SH2D7: variants seen among roughly 807,000 people sequenced by gnomAD.
The protein encoded by SH2D7 is SH2 domain-containing protein 7.
SH2D7 carries 32 observed loss-of-function variants against 40.8 expected under a neutral mutation model. The observed-to-expected ratio is 0.78, with a 90% CI of 0.59 to 1.05. The LOEUF is 1.05. Ranked by LOEUF, SH2D7 falls within the 50% of genes least tolerant of loss-of-function variation. SH2D7 has a pLI of 0.00. For synonymous variants in SH2D7, 195 were observed against 221.5 expected (o/e 0.88, Z 1.06); for missense variants, 559 against 566.6 (o/e 0.99, Z 0.14).
intron 1 of SH2D7, 53 bp downstream of exon 1, chr15:78,092,813 GAGAAAA>G: frequency 6.5e-7 from 1 of 1,529,762 alleles, no homozygotes; most frequent in Non-Finnish European, 8.8e-7. Context: ...CCTTGGGGCT[GAGAAAA>G]TGGTCTGGGA....
chr15:78,103,525 A>C lies in SH2D7; in HGVS notation c.*10A>C. Reference sequence around the variant, plus strand: ...GAAGCACAAATTCTGAGGGCCTGGCATCCGGCAGCCCACCAGTGGGTTTCC... The same window carrying C: ...GAAGCACAAATTCTGAGGGCCTGGCCTCCGGCAGCCCACCAGTGGGTTTCC... On this transcript the variant is annotated 3_prime_UTR_variant, in exon 6 of 6. Coordinates refer to ENST00000328828, the MANE Select transcript of SH2D7 (RefSeq NM_001101404.2). The C allele has an allele frequency of 6.4e-7, 1 of 1,561,542 alleles. No individual in the cohort carries two copies. Among genetic ancestry groups the C allele is most frequent in the Middle Eastern group, 1.7e-4 (1 of 6,004 alleles).
At chr15:78,099,570 G>A (rs1229453135) in intron 4 of SH2D7, among the ~76,000 whole-genome samples, 1 of 150,066 alleles carries the variant, frequency 6.7e-6, no homozygotes, top group Non-Finnish European at 1.5e-5. Flanking sequence ...CAGGTGATCC[G>A]CCTACCTCGG....
At chr15:78,096,231 G>C (rs181781709) in intron 2 of SH2D7, among the ~76,000 whole-genome samples, 3 of 152,234 alleles carry the variant, frequency 2.0e-5, no homozygotes, top group Admixed American at 2.0e-4. Context: ...TTATCTATTA[G>C]AATACAAATA....
Position 78,103,983 on chromosome 15 carries a change from A to G in SH2D7, c.*468A>G, listed in dbSNP as rs988680303. ...AACCAGTTCCCCTCCTTGCGGCCCC[A>G]TCAGCGAAAAGGAGGGGAGGGCCAG... is the stretch of plus-strand genomic sequence containing the variant. On this transcript the variant is annotated 3_prime_UTR_variant, in exon 6 of 6. Coordinates refer to ENST00000328828, the MANE Select transcript of SH2D7 (RefSeq NM_001101404.2). 2 of 152,738 alleles carry G rather than the reference A, an allele frequency of 1.3e-5. No homozygotes were observed. Among genetic ancestry groups the G allele is most frequent in the African/African-American group, 4.8e-5 (2 of 41,322 alleles). 9.5% of individuals were successfully genotyped at this position (152,738 alleles called of 1,614,324 possible).
Position 78,103,489 on chromosome 15 carries a change from T to C in SH2D7, c.1330T>C (p.Phe444Leu). Residue 444 changes from phenylalanine (F) to leucine (L), a missense_variant, in exon 6 of 6, where the codon TTC (phenylalanine) becomes CTC (leucine). Coordinates refer to ENST00000328828, the MANE Select transcript of SH2D7 (RefSeq NM_001101404.2). ...GCCTGACAAGCTTCGGAGGCTCTTC[T>C]TCACGTACAGGAAGCACAAATTCTG... The part of the protein sequence containing the change: ...HKPDKLRRLF[F>L]TYRKHKF 1 of 1,564,462 alleles carries C rather than the reference T, an allele frequency of 6.4e-7. No homozygotes were observed. The highest frequency in any genetic ancestry group is 8.7e-7 in the Non-Finnish European group (1 of 1,153,592).
intron 5 of SH2D7, 29 bp from the exon 6 acceptor site, chr15:78,103,436 A>G: frequency 1.9e-6 from 3 of 1,552,650 alleles, no homozygotes; most frequent in African/African-American, 1.4e-5. Context: ...CAGCGACCCC[A>G]GGCCCCAGTA....
chr15:78,097,829 TG>T, intron 2 of SH2D7, 99 bp from the exon 3 acceptor site: 1 of 1,467,902 alleles, frequency 6.8e-7, no homozygotes, highest in Non-Finnish European at 9.2e-7. Context: ...GATCAAGAGC[TG>T]GGACCCCTCA....
At position 78,099,462 on chromosome 15, in the gene SH2D7, C is replaced by T. The variant is rs149210722; in HGVS notation, c.645+866C>T. Among the ~76,000 whole-genome samples the T allele has an allele frequency of 4.4e-3, 662 of 150,854 alleles. 3 individuals are homozygous for T. The highest frequency in any genetic ancestry group is 0.015 in the African/African-American group (611 of 41,042). On this transcript the variant is annotated intron_variant, in intron 4 of 5. Coordinates refer to ENST00000328828, the MANE Select transcript of SH2D7 (RefSeq NM_001101404.2). ...CTGAGTAGCTGGGATTACAGGTGCA[C>T]GCCACCATGCCTGGCTAATTTTTTT... is the stretch of plus-strand genomic sequence containing the variant.
chr15:78,103,592 C>T lies in SH2D7; in HGVS notation c.*77C>T. The T allele has an allele frequency of 6.6e-7, 1 of 1,510,564 alleles. No individual in the cohort carries two copies. 93.6% of individuals were successfully genotyped at this position (1,510,564 alleles called of 1,614,324 possible). A position where few individuals can be genotyped will look rare whatever the true frequency, so the allele number is the denominator to read the frequency against. ...CCAGGGGTTATCGCAAAGGCCTCAG[C>T]TCACTTGAAGGCACCCTTTGGATCT... is the stretch of plus-strand genomic sequence containing the variant. On this transcript the variant is annotated 3_prime_UTR_variant, in exon 6 of 6. Coordinates refer to ENST00000328828, the MANE Select transcript of SH2D7 (RefSeq NM_001101404.2).
intron 4 of SH2D7, among the ~76,000 whole-genome samples, chr15:78,099,756 TG>T (rs766228020): frequency 1.4e-4 from 21 of 152,138 alleles, no homozygotes; most frequent in Non-Finnish European, 2.6e-4. Flanking sequence ...GCTTCTTCAC[TG>T]GAGGCTTCAG....
rs2074013604 is a variant in SH2D7 at position 78,101,240 on chromosome 15, G to C, written c.987G>C (p.Arg329Ser). The C allele has an allele frequency of 6.2e-7, 1 of 1,604,680 alleles. No individual in the cohort carries two copies. Among genetic ancestry groups the C allele is most frequent in the Non-Finnish European group, 8.5e-7 (1 of 1,176,354 alleles). Reference sequence around the variant, plus strand: ...TGGGATCCCTGGGGGCTACCTGGAGGCAGGAGTTTCCAAAGCTGAGCCAAG... The same window carrying C: ...TGGGATCCCTGGGGGCTACCTGGAGCCAGGAGTTTCCAAAGCTGAGCCAAG... ...DAMGSLGATWRQEFPKLSQEA... is the reference protein window; with the variant it reads ...DAMGSLGATWSQEFPKLSQEA... The change falls in exon 5 of 6, where the codon AGG becomes AGC. Residue 329 changes from arginine (R) to serine (S), a missense_variant. Physicochemically the swap from Arg to Ser is moderately radical, Grantham distance 110. Coordinates refer to ENST00000328828, the MANE Select transcript of SH2D7 (RefSeq NM_001101404.2).
chr15:78,097,185 G>A (rs527701088), intron 2 of SH2D7, among the ~76,000 whole-genome samples: 9 of 152,210 alleles, frequency 5.9e-5, no homozygotes, highest in East Asian at 5.8e-4. Flanking sequence ...GCTGATAGGC[G>A]TCGGAATGGT....
At chr15:78,091,195 T>C (rs531245835), upstream of SH2D7, 1 of 152,324 alleles carries the variant, frequency 6.6e-6, no homozygotes, top group South Asian at 2.1e-4. Flanking sequence ...AGCATCTCTG[T>C]CTTACTTCAG....
intron 2 of SH2D7, among the ~76,000 whole-genome samples, chr15:78,096,482 C>A (rs543634281): frequency 1.3e-5 from 2 of 152,186 alleles, no homozygotes; most frequent in South Asian, 4.1e-4. Context: ...AACTGGAGCT[C>A]TCATACATTG....
rs1309626689 is a variant in SH2D7 at position 78,098,527 on chromosome 15, C to T, written c.576C>T (p.Val192=). 2 of 1,613,930 alleles carry T rather than the reference C, an allele frequency of 1.2e-6. No individual in the cohort carries two copies. Among genetic ancestry groups the T allele is most frequent in the African/African-American group, 2.7e-5 (2 of 74,936 alleles). The change falls in exon 4 of 6, where the codon GTC becomes GTT. Residue 192 remains valine, a synonymous_variant. Coordinates refer to ENST00000328828, the MANE Select transcript of SH2D7 (RefSeq NM_001101404.2). ...ASPRSSPKPQ[V]SFLHAQKSLD... ...CCCGCTCTTCTCCAAAGCCCCAGGTCTCCTTCCTCCATGCACAGAAAAGCC... is the reference window on the plus strand; with the variant it reads ...CCCGCTCTTCTCCAAAGCCCCAGGTTTCCTTCCTCCATGCACAGAAAAGCC...
At chr15:78,099,629 AGGATTTTT>A (rs2073999490) in intron 4 of SH2D7, among the ~76,000 whole-genome samples, 1 of 152,036 alleles carries the variant, frequency 6.6e-6, no homozygotes, top group Admixed American at 6.6e-5. Context: ...GCTTGGCCGA[AGGATTTTT>A]CTTTATATCA....
At position 78,101,397 on chromosome 15, in the gene SH2D7, G is replaced by A; in HGVS notation, c.1144G>A (p.Gly382Ser). 1 of 1,613,466 alleles carries A rather than the reference G, an allele frequency of 6.2e-7. No homozygotes were observed. The highest frequency in any genetic ancestry group is 8.5e-7 in the Non-Finnish European group (1 of 1,179,702). The part of the protein sequence containing the change: ...STYEQIPACW[G>S]GPARAPHPGA... ...CTATGAGCAGATCCCAGCTTGCTGG[G>A]GTGGCCCAGCCAGGGCCCCACATCC... The change falls in exon 5 of 6, where the codon GGT becomes AGT. Residue 382 changes from glycine (G) to serine (S), a missense_variant. By Grantham distance (56) the Gly-to-Ser change is moderately conservative. Coordinates refer to ENST00000328828, the MANE Select transcript of SH2D7 (RefSeq NM_001101404.2).
At chr15:78,090,969 T>A (rs1334058586), upstream of SH2D7, among the ~76,000 whole-genome samples, 1 of 152,166 alleles carries the variant, frequency 6.6e-6, no homozygotes, top group Non-Finnish European at 1.5e-5. Context: ...CAGAACACTG[T>A]CAGCACCAGC....
chr15:78,090,815 T>A (rs545816626), upstream of SH2D7, among the ~76,000 whole-genome samples: 1 of 152,256 alleles, frequency 6.6e-6, no homozygotes, highest in South Asian at 2.1e-4. Context: ...AATCTGGCTG[T>A]AACACCCTCA....
Sources: allele counts gnomAD v4.1 joint callset (sites outside exome capture counted in the v4.1 genomes callset), GRCh38; gene constraint gnomAD v4.1.1; transcripts MANE v1.5; gene names NCBI Gene and HGNC (gene_info 2026-07-23, HGNC 2026-07-21).